Variants in SNRPA1 observed in about 807,000 individuals in gnomAD.
The protein encoded by SNRPA1 is small nuclear ribonucleoprotein polypeptide A'.
In SNRPA1, 5 loss-of-function variants were observed where a neutral mutation model predicts 32.3. The ratio of observed to expected loss-of-function variants is 0.15; its 90% CI spans 0.08 to 0.33. The LOEUF (loss-of-function observed/expected upper bound fraction) is 0.33. Ranked by LOEUF, SNRPA1 falls within the 10% of genes least tolerant of loss-of-function variation. The pLI is 1.00. For synonymous variants in SNRPA1, 111 were observed against 120.1 expected (o/e 0.92, Z 0.50); for missense variants, 198 against 311.1 (o/e 0.64, Z 2.74).
intron 4 of SNRPA1, 128 bp downstream of exon 4, chr15:101,287,528 G>A: frequency 1.4e-6 from 1 of 719,310 alleles, no homozygotes; most frequent in Non-Finnish European, 2.4e-6. Context: ...CCTTTTTTAT[G>A]GCTGCATAGT....
chr15:101,290,666 C>G (rs1397160716), intron 3 of SNRPA1, among the ~76,000 whole-genome samples: 2 of 150,904 alleles, frequency 1.3e-5, no homozygotes, highest in Non-Finnish European at 1.5e-5. Context: ...CGACTGATGG[C>G]TAGGGCTCAA....
intron 3 of SNRPA1, among the ~76,000 whole-genome samples, chr15:101,290,348 C>G (rs549905765): frequency 6.6e-6 from 1 of 152,278 alleles, no homozygotes; most frequent in East Asian, 1.9e-4. Flanking sequence ...CTAACAGCAC[C>G]TATCATGAGA....
intron 5 of SNRPA1, 37 bp downstream of exon 5, chr15:101,286,871 C>A: frequency 9.3e-7 from 1 of 1,074,502 alleles, no homozygotes; most frequent in Non-Finnish European, 1.4e-6. Context: ...AAACACACAA[C>A]TCTATAATGG....
In SNRPA1 at chr15:101,295,231, C is replaced by A; in HGVS notation, c.-53G>T. The A allele has an allele frequency of 1.4e-6, 2 of 1,435,586 alleles. No homozygotes were observed. The highest frequency in any genetic ancestry group is 9.3e-7 in the Non-Finnish European group (1 of 1,080,892). The allele number at this position is 1,435,586 out of a possible 1,614,324, so 88.9% of individuals were successfully genotyped here. On this transcript the variant is annotated 5_prime_UTR_variant, in exon 1 of 9. Coordinates refer to ENST00000254193, the MANE Select transcript of SNRPA1 (RefSeq NM_003090.4). ...TGGAAAGCCCGTGGCCTCCCGCCAGCGAGACGTCCCAGCGTGCCCCGCGCC... is the reference window on the plus strand; with the variant it reads ...TGGAAAGCCCGTGGCCTCCCGCCAGAGAGACGTCCCAGCGTGCCCCGCGCC...
intron 6 of SNRPA1, 88 bp from the exon 7 acceptor site, chr15:101,285,889 A>T: frequency 2.1e-6 from 2 of 973,306 alleles, no homozygotes; most frequent in Non-Finnish European, 1.6e-6. Context: ...AAGTAATTCA[A>T]CCAGTGTAGT....
intron 3 of SNRPA1, among the ~76,000 whole-genome samples, chr15:101,291,147 C>G (rs1217894315): frequency 6.6e-6 from 1 of 152,198 alleles, no homozygotes; most frequent in Non-Finnish European, 1.5e-5. Flanking sequence ...TCCCAAAGTG[C>G]TTGGATTACA....
intron 7 of SNRPA1, among the ~76,000 whole-genome samples, chr15:101,285,480 C>T (rs910139684): frequency 2.6e-5 from 4 of 152,238 alleles, no homozygotes; most frequent in South Asian, 2.1e-4. Flanking sequence ...AGTAACTGTT[C>T]GAAGTGATAA....
chr15:101,285,208 T>C (rs2039441599), intron 7 of SNRPA1, 148 bp from the exon 8 acceptor site: 3 of 576,662 alleles, frequency 5.2e-6, no homozygotes, highest in African/African-American at 1.9e-5. Context: ...AAGAATGTTA[T>C]TGGCCCACAA....
chr15:101,292,105 C>T lies in SNRPA1; in HGVS notation c.231-65G>A, dbSNP rs1430835379. The T allele has an allele frequency of 9.1e-5, 99 of 1,081,978 alleles. No homozygotes were observed. In the East Asian group the frequency reaches 2.3e-3, roughly 25 times the overall value. The allele number at this position is 1,081,978 out of a possible 1,614,324, so 67.0% of individuals were successfully genotyped here. A position where few individuals can be genotyped will look rare whatever the true frequency, so the allele number is the denominator to read the frequency against. On this transcript the variant is annotated intron_variant, in intron 2 of 8. Transcript: ENST00000254193. Reference sequence around the variant, plus strand: ...ATAAGCTAACAATTTTATCTACCTCCTTGCTCAGAGGATCACAGAGAGACA... The same window carrying T: ...ATAAGCTAACAATTTTATCTACCTCTTTGCTCAGAGGATCACAGAGAGACA...
chr15:101,295,016 C>G, intron 1 of SNRPA1, 81 bp downstream of exon 1: 1 of 946,742 alleles, frequency 1.1e-6, no homozygotes, highest in Non-Finnish European at 1.5e-6. Context: ...AAGCTCCGGC[C>G]TTCGGTGCAC....
At chr15:101,289,352 C>G (rs944619921) in intron 3 of SNRPA1, among the ~76,000 whole-genome samples, 2 of 152,106 alleles carry the variant, frequency 1.3e-5, no homozygotes, top group African/African-American at 4.8e-5. Context: ...GTACAGTGAT[C>G]TTAACATTTA....
At chr15:101,285,246 T>G (rs113774620) in intron 7 of SNRPA1, 186 bp from the exon 8 acceptor site, 6 of 545,260 alleles carry the variant, frequency 1.1e-5, no homozygotes, top group African/African-American at 5.7e-5. Flanking sequence ...AAACCACAAA[T>G]TTCTAAAATT....
intron 8 of SNRPA1, 58 bp downstream of exon 8, chr15:101,284,909 T>C (rs777906894): frequency 3.1e-6 from 4 of 1,285,088 alleles, no homozygotes; most frequent in Non-Finnish European, 3.4e-6. Context: ...TAAATGGTTG[T>C]GAGTTACACT....
chr15:101,294,940 G>A (rs758658829), intron 1 of SNRPA1, 157 bp downstream of exon 1: 4 of 485,576 alleles, frequency 8.2e-6, no homozygotes, highest in Admixed American at 4.3e-5. Flanking sequence ...TGGCAACAAC[G>A]GCAAGAATCA....
At chr15:101,290,916 AT>A (rs1330510666) in intron 3 of SNRPA1, among the ~76,000 whole-genome samples, 1 of 151,780 alleles carries the variant, frequency 6.6e-6, no homozygotes, top group Non-Finnish European at 1.5e-5. Flanking sequence ...TAATTTTTGT[AT>A]TTTTAGTAGA....
intron 8 of SNRPA1, among the ~76,000 whole-genome samples, chr15:101,283,911 G>C (rs780200759): frequency 1.8e-4 from 27 of 152,248 alleles, no homozygotes; most frequent in Non-Finnish European, 3.5e-4. Flanking sequence ...CTGCACTCCA[G>C]CCTGGGCAAA....
Position 101,285,052 on chromosome 15 carries a change from T to C in SNRPA1, c.624A>G (p.Ile208Met). ...CTTCAGCCAGAGTTGAAGCATTTGC[T>C]ATGGCATTCTGGAGGACAGAGGGCA... ...PGDVEAIKNA[I>M]ANASTLAEVE... Residue 208 changes from isoleucine to methionine, a missense_variant, in exon 8 of 9, where the codon ATA becomes ATG. This residue lies in a region of SNRPA1 where 77 missense variants were observed against 120.1 expected (regional missense o/e 0.64). Transcript: ENST00000254193. 6.2e-7 allele frequency: 1 copy of C among 1,613,472 alleles called. No homozygotes were observed.
At chr15:101,286,633 T>C in intron 5 of SNRPA1, 2 of 466,134 alleles carry the variant, frequency 4.3e-6, no homozygotes, top group Non-Finnish European at 7.6e-6. Context: ...TGGGAACGTA[T>C]CTAGGCAGAC....
intron 3 of SNRPA1, among the ~76,000 whole-genome samples, chr15:101,289,504 A>C (rs1299851527): frequency 6.6e-6 from 1 of 152,240 alleles, no homozygotes; most frequent in Non-Finnish European, 1.5e-5. Flanking sequence ...AAACGGATTG[A>C]AGAACGGGTG....
Sources: gnomAD v4.1 joint callset for allele counts (sites outside exome capture counted in the v4.1 genomes callset) on GRCh38, gnomAD v4.1.1 for gene constraint, gnomAD v4.1.1 regional missense constraint, MANE v1.5 for transcripts, NCBI Gene and HGNC (gene_info 2026-07-23, HGNC 2026-07-21) for gene names.